CYP27C1: variants seen among roughly 807,000 people sequenced by gnomAD.
CYP27C1 encodes the protein cytochrome P450 27C1.
CYP27C1 carries 29 observed loss-of-function variants against 40.6 expected under a neutral mutation model. The observed-to-expected ratio is 0.71, with a 90% CI of 0.53 to 0.97. The LOEUF (loss-of-function observed/expected upper bound fraction) is 0.97. Ranked by LOEUF, CYP27C1 falls within the 50% of genes least tolerant of loss-of-function variation. The pLI, the probability that CYP27C1 is intolerant of heterozygous loss-of-function variation, is 0.00. For missense variants in CYP27C1, 390 were observed against 485.8 expected, an observed-to-expected ratio of 0.80 and a Z score of 1.85; for synonymous variants, 198 against 186.8, an observed-to-expected ratio of 1.06 and a Z score of -0.49.
chr2:127,201,004 C>CA lies in CYP27C1; in HGVS notation c.883+117dup. The CA allele has an allele frequency of 9.9e-7, 1 of 1,011,872 alleles. No homozygotes were observed. The highest frequency in any genetic ancestry group is 1.5e-6 in the Non-Finnish European group (1 of 681,294). The allele number at this position is 1,011,872 out of a possible 1,614,324, so 62.7% of individuals were successfully genotyped here. ...CAAAAGTTATGGGTCCAAAAACTAA[C>CA]ACGTGACTACATCTAGGCATCCTCT... On this transcript the variant is annotated intron_variant, in intron 4 of 8. Transcript: ENST00000664447. The surrounding 1 kb of genome is among the most constrained non-coding windows in gnomAD (Gnocchi z 6.0).
rs1269015832 is a variant in CYP27C1, at chr2:127,209,416, C to CA, written c.283-3327dup. 2.6e-5 allele frequency among the ~76,000 whole-genome samples: 4 copies of CA among 152,076 alleles called. No individual in the cohort carries two copies. The South Asian group carries it at 8.3e-4, about 32-fold the overall frequency. On this transcript the variant is annotated intron_variant, in intron 1 of 8. Transcript: ENST00000664447. This position sits in a 1 kb window ranked among gnomAD's most constrained non-coding sequence, Gnocchi z 4.1. Reference sequence around the variant, plus strand: ...ACTCACAGAGATGAGAAATAATCAACAAAAAAATGCTGAAAACCAAAAGGC... The same window carrying CA: ...ACTCACAGAGATGAGAAATAATCAACAAAAAAAATGCTGAAAACCAAAAGGC...
chr2:127,214,266 C>T (rs898060386), intron 1 of CYP27C1, among the ~76,000 whole-genome samples: 5 of 152,184 alleles, frequency 3.3e-5, no homozygotes, highest in African/African-American at 9.7e-5. Context: ...TATGGTGATT[C>T]CTCAAGGATC....
intron 5 of CYP27C1, among the ~76,000 whole-genome samples, chr2:127,198,480 T>G (rs1038927450): frequency 7.2e-5 from 11 of 152,204 alleles, no homozygotes; most frequent in African/African-American, 2.7e-4. Flanking sequence ...AAACATTTAT[T>G]ATCATTTTGT....
At chr2:127,198,454 A>ATTCC (rs1682956096) in intron 5 of CYP27C1, among the ~76,000 whole-genome samples, 1 of 152,180 alleles carries the variant, frequency 6.6e-6, no homozygotes, top group South Asian at 2.1e-4. Context: ...CAAATCAGGA[A>ATTCC]TGATTTGTAA....
chr2:127,206,345 G>A (rs1184378681), intron 1 of CYP27C1, among the ~76,000 whole-genome samples: 1 of 151,970 alleles, frequency 6.6e-6, no homozygotes, highest in African/African-American at 2.4e-5. Context: ...GTCTTGCTCT[G>A]TTGCCCAGGC....
At chr2:127,202,258 G>A (rs12992240) in intron 3 of CYP27C1, among the ~76,000 whole-genome samples, 35,329 of 151,618 alleles carry the variant, frequency 0.23, 4,708 homozygotes, top group South Asian at 0.39. Flanking sequence ...CCAAGTCTCT[G>A]GGATTACAGG....
intron 8 of CYP27C1, among the ~76,000 whole-genome samples, chr2:127,189,186 C>T (rs952166421): frequency 6.6e-6 from 1 of 151,796 alleles, no homozygotes; most frequent in African/African-American, 2.4e-5. Flanking sequence ...CCTCCGCCCC[C>T]CTACATCCAG....
In CYP27C1 at chr2:127,201,119, T is replaced by TA; in HGVS notation, c.883+2dup. 6.2e-7 allele frequency: 1 copy of TA among 1,611,974 alleles called. No individual in the cohort carries two copies. The highest frequency in any genetic ancestry group is 2.2e-5 in the East Asian group (1 of 44,852). ...CAAAAGGTGCTCTCAATTCTTCTCT[T>TA]ACTGAATTTGAAGAGTCCATCCCAG... On this transcript the variant is annotated splice_region_variant and intron_variant, in intron 4 of 8. Coordinates refer to ENST00000664447, the MANE Select transcript of CYP27C1 (RefSeq NM_001367502.1). This position sits in a 1 kb window ranked among gnomAD's most constrained non-coding sequence, Gnocchi z 6.0.
chr2:127,203,560 T>C lies in CYP27C1; in HGVS notation c.485A>G (p.Gln162Arg), dbSNP rs1334245290. The C allele has an allele frequency of 1.9e-6, 3 of 1,613,502 alleles. No homozygotes were observed. Among genetic ancestry groups the C allele is most frequent in the African/African-American group, 2.7e-5 (2 of 74,900 alleles). Reference protein sequence around the residue: ...ATGLISAEGEQWLKMRSVLRQ... With the variant: ...ATGLISAEGERWLKMRSVLRQ... ...CAATACGCTTCTCATCTTGAGCCACTGTTCACCCTCCCTAGAAGAATCAAG... is the reference window on the plus strand; with the variant it reads ...CAATACGCTTCTCATCTTGAGCCACCGTTCACCCTCCCTAGAAGAATCAAG... Residue 162 changes from glutamine to arginine, a missense_variant, in exon 3 of 9, where the codon CAG (glutamine) becomes CGG (arginine). Gln to Arg is a conservative substitution (Grantham distance 43, BLOSUM62 1). Coordinates refer to ENST00000664447, the MANE Select transcript of CYP27C1 (RefSeq NM_001367502.1).
intron 5 of CYP27C1, 56 bp downstream of exon 5, chr2:127,199,320 T>A: frequency 6.3e-7 from 1 of 1,586,052 alleles, no homozygotes; most frequent in Non-Finnish European, 8.6e-7. Flanking sequence ...GTCCATGAGG[T>A]GATGAGGAAG....
At chr2:127,191,412 G>A (rs1682766473) in intron 8 of CYP27C1, among the ~76,000 whole-genome samples, 2 of 152,148 alleles carry the variant, frequency 1.3e-5, no homozygotes, top group African/African-American at 4.8e-5. Context: ...TCTTGCTCAG[G>A]TGTCTACCCC....
In CYP27C1 at chr2:127,209,952, A is replaced by G. The variant is rs1044165734; in HGVS notation, c.283-3862T>C. ...GCTGGAAAACACACTTCATGATATTATCAAGGAGAACTTCCTCAACCTAGC... is the reference window on the plus strand; with the variant it reads ...GCTGGAAAACACACTTCATGATATTGTCAAGGAGAACTTCCTCAACCTAGC... On this transcript the variant is annotated intron_variant, in intron 1 of 8. Coordinates refer to ENST00000664447, the MANE Select transcript of CYP27C1 (RefSeq NM_001367502.1). The surrounding 1 kb of genome is among the most constrained non-coding windows in gnomAD (Gnocchi z 4.1). Among the ~76,000 whole-genome samples, 1 of 152,252 alleles carries G rather than the reference A, an allele frequency of 6.6e-6. No homozygotes were observed. The highest frequency in any genetic ancestry group is 2.4e-5 in the African/African-American group (1 of 41,462).
chr2:127,189,168 GCC>G (rs34707287), intron 8 of CYP27C1, among the ~76,000 whole-genome samples: 6 of 129,222 alleles, frequency 4.6e-5, no homozygotes, highest in Admixed American at 1.6e-4. Flanking sequence ...AAAAAACACT[GCC>G]CCCCCCCTCC....
chr2:127,199,982 T>C (rs1440702805), intron 4 of CYP27C1, among the ~76,000 whole-genome samples: 1 of 152,072 alleles, frequency 6.6e-6, no homozygotes, highest in Non-Finnish European at 1.5e-5. Flanking sequence ...AATGTTGTGG[T>C]TGTTGTTGTT....
At chr2:127,204,512 A>G (rs71343621) in intron 2 of CYP27C1, among the ~76,000 whole-genome samples, 1,884 of 49,246 alleles carry the variant, frequency 0.038, 122 homozygotes, top group East Asian at 0.044. Context: ...AAGGAAAGAA[A>G]GAAGGAAAGA....
chr2:127,204,535 A>AGAG lies in CYP27C1; in HGVS notation c.474-965_474-964insCTC, dbSNP rs1558931263. Among the ~76,000 whole-genome samples the AGAG allele has an allele frequency of 3.0e-4, 14 of 46,872 alleles. 2 individuals carry two copies. The highest frequency in any genetic ancestry group is 5.1e-4 in the African/African-American group (7 of 13,634). 30.7% of individuals were successfully genotyped at this position (46,872 alleles called of 152,430 possible). A position where few individuals can be genotyped will look rare whatever the true frequency, so the allele number is the denominator to read the frequency against. On this transcript the variant is annotated intron_variant, in intron 2 of 8. Coordinates refer to ENST00000664447, the MANE Select transcript of CYP27C1 (RefSeq NM_001367502.1). Reference sequence around the variant, plus strand: ...AAAGAAGGAAAGAAAGAAAGAAAGAAAGAGAGAGAGAGAGAGAGAGAGAAA... The same window carrying AGAG: ...AAAGAAGGAAAGAAAGAAAGAAAGAAGAGAGAGAGAGAGAGAGAGAGAGAGAAA...
chr2:127,205,271 G>A (rs927560678), intron 2 of CYP27C1, among the ~76,000 whole-genome samples: 1 of 152,150 alleles, frequency 6.6e-6, no homozygotes, highest in African/African-American at 2.4e-5. Context: ...GAAATTGGTG[G>A]CTGTATTTCT....
At chr2:127,214,998 G>A (rs1372846305) in intron 1 of CYP27C1, among the ~76,000 whole-genome samples, 4 of 151,448 alleles carry the variant, frequency 2.6e-5, no homozygotes, top group African/African-American at 4.9e-5. Context: ...GCATGGTGGC[G>A]GGCGCCTGTA....
rs1312735577 is a variant in CYP27C1, at chr2:127,201,419, C to T, written c.674-88G>A. On this transcript the variant is annotated intron_variant, in intron 3 of 8. Coordinates refer to ENST00000664447, the MANE Select transcript of CYP27C1 (RefSeq NM_001367502.1). The surrounding 1 kb of genome is among the most constrained non-coding windows in gnomAD (Gnocchi z 6.0). ...TTGGGCCATAAATGCAACTTTCAAA[C>T]GTGGTCCAGGTGCCTTTCATGAATG... The T allele has an allele frequency of 6.0e-6, 8 of 1,327,802 alleles. No homozygotes were observed. Among genetic ancestry groups the T allele is most frequent in the East Asian group, 2.3e-5 (1 of 43,026 alleles). The allele number at this position is 1,327,802 out of a possible 1,614,324, so 82.3% of individuals were successfully genotyped here. A position where few individuals can be genotyped will look rare whatever the true frequency, so the allele number is the denominator to read the frequency against.
Sources: allele counts gnomAD v4.1 joint callset (sites outside exome capture counted in the v4.1 genomes callset), GRCh38; gene constraint gnomAD v4.1.1; non-coding constraint Gnocchi (gnomAD v3.1); transcripts MANE v1.5; gene names NCBI Gene and HGNC (gene_info 2026-07-23, HGNC 2026-07-21).